The following EFHB variants were observed in gnomAD, a reference collection of about 807,000 sequenced individuals.
The protein encoded by EFHB is EF-hand domain-containing family member B.
A neutral mutation model predicts 87.2 loss-of-function variants in EFHB; 91 were observed. The ratio of observed to expected loss-of-function variants is 1.04; its 90% CI spans 0.88 to 1.24. The LOEUF is 1.24. EFHB is among the 50% of genes most tolerant of loss of function. The pLI is 0.00. For missense variants in EFHB, 1,084 were observed against 998.8 expected, an observed-to-expected ratio of 1.09 and a Z score of -1.15; for synonymous variants, 325 against 333.6, an observed-to-expected ratio of 0.97 and a Z score of 0.28.
intron 6 of EFHB, 100 bp downstream of exon 6, chr3:19,905,520 T>G: frequency 7.7e-7 from 1 of 1,306,646 alleles, no homozygotes; most frequent in Non-Finnish European, 1.1e-6. Context: ...TTGAACCATA[T>G]CATTTTATTA....
chr3:19,902,465 C>G (rs1227021823), intron 6 of EFHB, among the ~76,000 whole-genome samples: 3 of 152,106 alleles, frequency 2.0e-5, no homozygotes, highest in Non-Finnish European at 4.4e-5. Context: ...AGCGATTCTC[C>G]TGCCTCAGCC....
rs1294315795 is a variant in EFHB, at chr3:19,920,553, A to T, written c.804T>A (p.Ile268=). 1 of 1,598,154 alleles carries T rather than the reference A, an allele frequency of 6.3e-7. No individual in the cohort carries two copies. The highest frequency in any genetic ancestry group is 1.1e-5 in the South Asian group (1 of 87,732). ...AGGTTGCAACTCTGTAACCAACTGG[A>T]ATAACTTTTCCTGCCTTTGGGGGAA... ...TPCWPSAGKV[I]PVGYRVATCL... is the part of the protein sequence containing the mutation. Residue 268 remains isoleucine, a synonymous_variant, in exon 2 of 13, where the codon ATT becomes ATA. Coordinates refer to ENST00000295824, the MANE Select transcript of EFHB (RefSeq NM_144715.4).
intron 1 of EFHB, 27 bp from the exon 2 acceptor site, chr3:19,920,594 A>G: frequency 1.9e-6 from 3 of 1,567,490 alleles, no homozygotes; most frequent in South Asian, 1.2e-5. Context: ...TGGGTTGATC[A>G]TTGCCAGGGT....
At chr3:19,901,163 T>A (rs1694657371) in intron 6 of EFHB, among the ~76,000 whole-genome samples, 1 of 152,122 alleles carries the variant, frequency 6.6e-6, no homozygotes, top group South Asian at 2.1e-4. Context: ...GTAAAAACTA[T>A]GCAAAAATCT....
chr3:19,924,783 C>A (rs535589974), intron 1 of EFHB, among the ~76,000 whole-genome samples: 1 of 152,032 alleles, frequency 6.6e-6, no homozygotes, highest in African/African-American at 2.4e-5. Flanking sequence ...AGCTTAATTT[C>A]TTTTCAAAGA....
chr3:19,939,065 C>T (rs774367052), upstream of EFHB, among the ~76,000 whole-genome samples: 61 of 152,224 alleles, frequency 4.0e-4, no homozygotes, highest in Non-Finnish European at 7.8e-4. Flanking sequence ...CGCCACCATG[C>T]CCAGCTAATT....
intron 1 of EFHB, among the ~76,000 whole-genome samples, chr3:19,923,657 G>A (rs1013556688): frequency 3.9e-5 from 6 of 152,102 alleles, no homozygotes; most frequent in Admixed American, 6.5e-5. Flanking sequence ...TTACAGGCAT[G>A]AGCCACCACG....
At chr3:19,887,606 G>C (rs988089684) in intron 10 of EFHB, among the ~76,000 whole-genome samples, 3 of 151,800 alleles carry the variant, frequency 2.0e-5, no homozygotes, top group African/African-American at 7.3e-5. Context: ...ACTTATCTTG[G>C]GCCACACATA....
At chr3:19,909,626 C>T (rs1694987430) in intron 5 of EFHB, among the ~76,000 whole-genome samples, 1 of 152,124 alleles carries the variant, frequency 6.6e-6, no homozygotes, top group African/African-American at 2.4e-5. Flanking sequence ...TGGCATCACC[C>T]CTCCCTTAAC....
At chr3:19,924,177 C>T (rs1425677045) in intron 1 of EFHB, among the ~76,000 whole-genome samples, 3 of 151,218 alleles carry the variant, frequency 2.0e-5, no homozygotes, top group African/African-American at 7.3e-5. Context: ...TTATTAATTG[C>T]ATTATACTGC....
chr3:19,882,779 T>C (rs1440896233), intron 11 of EFHB, 48 bp from the exon 12 acceptor site: 14 of 1,536,330 alleles, frequency 9.1e-6, no homozygotes, highest in Non-Finnish European at 1.2e-5. Context: ...AACAAAGCTG[T>C]GTAACACAGT....
chr3:19,905,737 T>A lies in EFHB; in HGVS notation c.1301A>T (p.Asn434Ile). 2 of 1,608,780 alleles carry A rather than the reference T, an allele frequency of 1.2e-6. No homozygotes were observed. Among genetic ancestry groups the A allele is most frequent in the Non-Finnish European group, 1.7e-6 (2 of 1,176,418 alleles). ...HNDYYAGEAK[N>I]RKYNPSSFHR... The stretch of plus-strand genomic sequence containing the variant: ...GAAACTTGATGGGTTATACTTTCGG[T>A]TCTTTGCCTCTCCTGTGGAAAAAGA... Residue 434 changes from asparagine (N) to isoleucine (I), a missense_variant, in exon 6 of 13, where the codon AAC becomes ATC. Asn to Ile is a moderately radical substitution (Grantham distance 149, BLOSUM62 -3). Transcript: ENST00000295824.
intron 5 of EFHB, among the ~76,000 whole-genome samples, chr3:19,913,640 A>G (rs968939169): frequency 1.1e-4 from 16 of 152,226 alleles, no homozygotes; most frequent in African/African-American, 3.6e-4. Context: ...TACAGATTCA[A>G]TGCAAACCCT....
upstream of EFHB, among the ~76,000 whole-genome samples, chr3:19,937,276 A>T (rs1457771921): frequency 6.6e-6 from 1 of 152,172 alleles, no homozygotes; most frequent in Non-Finnish European, 1.5e-5. Context: ...TTTATTTAAG[A>T]CATTGCATTT....
intron 6 of EFHB, among the ~76,000 whole-genome samples, chr3:19,903,496 T>C (rs1447789125): frequency 6.6e-6 from 1 of 151,968 alleles, no homozygotes; most frequent in Non-Finnish European, 1.5e-5. Context: ...TATATTTAAT[T>C]ATAAATATCT....
chr3:19,908,618 A>AAGAG (rs1694945176), intron 5 of EFHB, among the ~76,000 whole-genome samples: 5 of 134,856 alleles, frequency 3.7e-5, no homozygotes, highest in African/African-American at 1.5e-4. Context: ...GAAAGAAAGA[A>AAGAG]AGAAAGAAAG....
At chr3:19,926,343 T>C (rs903935414) in intron 1 of EFHB, among the ~76,000 whole-genome samples, 1 of 151,996 alleles carries the variant, frequency 6.6e-6, no homozygotes, top group African/African-American at 2.4e-5. Context: ...TGGGGTTTTT[T>C]TTGTTTTTTG....
rs557923618 is a variant in EFHB, at chr3:19,932,032, C to A, written c.789+1198G>T. Among the ~76,000 whole-genome samples the A allele has an allele frequency of 5.3e-5, 8 of 152,310 alleles. No homozygotes were observed. In the South Asian group the frequency reaches 1.7e-3, roughly 32 times the overall value. On this transcript the variant is annotated intron_variant, in intron 1 of 12. Coordinates refer to ENST00000295824, the MANE Select transcript of EFHB (RefSeq NM_144715.4). ...TTGAAGATAGCCAACACTGGACATT[C>A]ATTTGCCACCAAACCCAAAGAGATC...
rs200798955 is a variant in EFHB at position 19,920,493 on chromosome 3, G to C, written c.852+12C>G. 4 of 1,594,148 alleles carry C rather than the reference G, an allele frequency of 2.5e-6. No individual in the cohort carries two copies. The highest frequency in any genetic ancestry group is 3.4e-6 in the Non-Finnish European group (4 of 1,171,782). Reference sequence around the variant, plus strand: ...AAAAATAGAAATATAAAGGTATATTGAAAGTGCTCACCCTGGGAAGTTTTT... The same window carrying C: ...AAAAATAGAAATATAAAGGTATATTCAAAGTGCTCACCCTGGGAAGTTTTT... On this transcript the variant is annotated intron_variant, in intron 2 of 12. Transcript: ENST00000295824.
Sources: gnomAD v4.1 joint callset for allele counts (sites outside exome capture counted in the v4.1 genomes callset) on GRCh38, gnomAD v4.1.1 for gene constraint, MANE v1.5 for transcripts, NCBI Gene and HGNC (gene_info 2026-07-23, HGNC 2026-07-21) for gene names.